The following KCNN2 variants were observed in gnomAD, a reference collection of about 807,000 sequenced individuals.
KCNN2 encodes potassium calcium-activated channel subfamily N member 2, also known as small conductance calcium-activated potassium channel protein 2.
Under a neutral mutation model 55.5 loss-of-function variants are expected in KCNN2, and 24 were observed. The observed-to-expected ratio is 0.43, with a 90% CI of 0.31 to 0.61. The LOEUF is 0.61. Ranked by LOEUF, KCNN2 falls within the 20% of genes least tolerant of loss-of-function variation. The pLI, the probability that KCNN2 is intolerant of heterozygous loss-of-function variation, is 0.08. For synonymous variants in KCNN2, 431 were observed against 336.1 expected, an observed-to-expected ratio of 1.28 and a Z score of -3.09; for missense variants, 754 against 853.6, an observed-to-expected ratio of 0.88 and a Z score of 1.45.
At chr5:114,289,986 C>T (rs1362251523) in intron 2 of KCNN2, among the ~76,000 whole-genome samples, 2 of 152,082 alleles carry the variant, frequency 1.3e-5, no homozygotes, top group African/African-American at 2.4e-5. Context: ...GCATAAAAAA[C>T]ACAACTGTAC....
intron 2 of KCNN2, among the ~76,000 whole-genome samples, chr5:114,228,572 T>C (rs929434106): frequency 2.6e-5 from 4 of 152,102 alleles, no homozygotes; most frequent in African/African-American, 9.6e-5. Flanking sequence ...GGAAAATTTT[T>C]ATTGAAACAC....
rs79750432 is a variant in KCNN2, at chr5:114,153,941, T to C, written c.-270-67539T>C. On this transcript the variant is annotated intron_variant, in intron 1 of 10. Coordinates refer to the KCNN2 transcript ENST00000512097. ...CACTGTTTCTCTCAAGGTGATTTTC[T>C]AGACAACCCTCTCCTAAGTTGCAGG... 1.8e-3 allele frequency among the ~76,000 whole-genome samples: 270 copies of C among 152,278 alleles called. 6 individuals are homozygous for C. In the East Asian group the frequency reaches 0.036, roughly 21 times the overall value.
At chr5:114,472,301 A>ACTGTAATT (rs1561405442) in intron 4 of KCNN2, among the ~76,000 whole-genome samples, 1 of 152,188 alleles carries the variant, frequency 6.6e-6, no homozygotes. Context: ...GAGCGGGAGG[A>ACTGTAATT]CTGTAATTCT....
chr5:114,258,037 G>A (rs1561543470), intron 2 of KCNN2, among the ~76,000 whole-genome samples: 1 of 151,944 alleles, frequency 6.6e-6, no homozygotes, highest in African/African-American at 2.4e-5. Context: ...TTTGTTGAGG[G>A]TTTTTTAATC....
intron 3 of KCNN2, among the ~76,000 whole-genome samples, chr5:114,435,331 G>A (rs1759966784): frequency 6.6e-6 from 1 of 152,134 alleles, no homozygotes; most frequent in Non-Finnish European, 1.5e-5. Context: ...TTTGAGGGTG[G>A]TGGTTTGTCT....
chr5:114,188,572 C>T lies in KCNN2; in HGVS notation c.-270-32908C>T, dbSNP rs543585169. Among the ~76,000 whole-genome samples, 9 of 152,092 alleles carry T rather than the reference C, an allele frequency of 5.9e-5. No homozygotes were observed. The South Asian group carries it at 6.2e-4, about 11-fold the overall frequency. ...TCTAAACAAAGTGTACAGAACATTC[C>T]GAGTTCATACAAATAAATTGTTAAG... On this transcript the variant is annotated intron_variant, in intron 1 of 10. Coordinates refer to the KCNN2 transcript ENST00000512097.
intron 2 of KCNN2, among the ~76,000 whole-genome samples, chr5:114,369,870 G>T (rs993995299): frequency 6.6e-6 from 1 of 151,976 alleles, no homozygotes; most frequent in African/African-American, 2.4e-5. Context: ...CCTGTTTCTG[G>T]GCCATGTTTT....
At chr5:114,346,526 A>G (rs991041651) in intron 2 of KCNN2, among the ~76,000 whole-genome samples, 3 of 152,312 alleles carry the variant, frequency 2.0e-5, no homozygotes, top group African/African-American at 7.2e-5. Flanking sequence ...AAGAGTAACA[A>G]GGAAAATAAT....
chr5:114,109,245 A>G (rs79974032), intron 1 of KCNN2, among the ~76,000 whole-genome samples: 2,861 of 152,228 alleles, frequency 0.019, 108 homozygotes, highest in African/African-American at 0.065. Flanking sequence ...GTTATTTGCC[A>G]TGTAGCTTTC....
chr5:114,213,354 C>T (rs188441279), intron 1 of KCNN2, among the ~76,000 whole-genome samples: 1 of 151,828 alleles, frequency 6.6e-6, no homozygotes. Context: ...TCATCTTCTT[C>T]CCAGATCTCT....
chr5:114,182,078 G>T (rs1753251356), intron 1 of KCNN2, among the ~76,000 whole-genome samples: 1 of 152,084 alleles, frequency 6.6e-6, no homozygotes, highest in South Asian at 2.1e-4. Context: ...TAAAAATATG[G>T]ATATCCATTT....
intron 4 of KCNN2, among the ~76,000 whole-genome samples, chr5:114,470,747 A>G (rs759805449): frequency 2.3e-4 from 35 of 152,172 alleles, no homozygotes; most frequent in Admixed American, 2.0e-3. Flanking sequence ...TGACTCTTAT[A>G]AGAATTTTGA....
At chr5:114,463,964 C>T (rs914944799) in intron 4 of KCNN2, among the ~76,000 whole-genome samples, 22 of 152,184 alleles carry the variant, frequency 1.4e-4, no homozygotes, top group African/African-American at 5.3e-4. Flanking sequence ...ACAGTGGAGC[C>T]AGGTCATTGG....
rs560486899 is a variant in KCNN2 at position 114,342,307 on chromosome 5, G to T, written c.-184-18638G>T. Among the ~76,000 whole-genome samples the T allele has an allele frequency of 7.2e-5, 11 of 152,186 alleles. No homozygotes were observed. The East Asian group carries it at 2.1e-3, about 29-fold the overall frequency. On this transcript the variant is annotated intron_variant, in intron 2 of 10. Coordinates refer to the KCNN2 transcript ENST00000512097. ...TACCTCCTTAGGCAAGGAGCTGTGA[G>T]GATAATCATGAAAAGCAAATTAAAC...
chr5:114,357,581 A>C (rs1757319643), upstream of KCNN2, among the ~76,000 whole-genome samples: 1 of 128,484 alleles, frequency 7.8e-6, no homozygotes, highest in Non-Finnish European at 1.6e-5. Flanking sequence ...TAGTTTACTG[A>C]GAATGATGAT....
intron 1 of KCNN2, among the ~76,000 whole-genome samples, chr5:114,107,145 A>G (rs1441068564): frequency 1.2e-4 from 19 of 152,118 alleles, no homozygotes; most frequent in Admixed American, 1.2e-3. Context: ...ATTCATTGAG[A>G]AAACTATTAT....
intron 2 of KCNN2, among the ~76,000 whole-genome samples, chr5:114,330,494 T>C (rs1250656585): frequency 6.6e-6 from 1 of 152,248 alleles, no homozygotes; most frequent in Non-Finnish European, 1.5e-5. Context: ...TTCAGAGCTT[T>C]TAAAATGGCT....
chr5:114,127,494 CACCA>C (rs1480654657), intron 1 of KCNN2, among the ~76,000 whole-genome samples: 1 of 152,160 alleles, frequency 6.6e-6, no homozygotes, highest in Non-Finnish European at 1.5e-5. Context: ...GGATGCAGGG[CACCA>C]AGTCGCTAGG....
chr5:114,135,981 A>G (rs1470925227), intron 1 of KCNN2, among the ~76,000 whole-genome samples: 4 of 152,216 alleles, frequency 2.6e-5, no homozygotes, highest in African/African-American at 9.6e-5. Context: ...AAGAAGGAAC[A>G]GAGAAAATGG....
Sources: gnomAD v4.1 joint callset for allele counts (sites outside exome capture counted in the v4.1 genomes callset) on GRCh38, gnomAD v4.1.1 for gene constraint, MANE v1.5 for transcripts, NCBI Gene and HGNC (gene_info 2026-07-23, HGNC 2026-07-21) for gene names.